Variants in ARHGAP15 observed in about 807,000 individuals in gnomAD.
ARHGAP15 encodes the protein rho GTPase-activating protein 15.
Under a neutral mutation model 63.7 loss-of-function variants are expected in ARHGAP15, and 51 were observed. The observed-to-expected ratio is 0.80, with a 90% confidence interval of 0.64 to 1.01. The LOEUF (loss-of-function observed/expected upper bound fraction) is 1.01, where lower values mean the gene tolerates loss of function less well. Ranked by LOEUF, ARHGAP15 falls within the 50% of genes least tolerant of loss-of-function variation. ARHGAP15 has a pLI of 0.00. For synonymous variants in ARHGAP15, 191 were observed against 193.8 expected, an observed-to-expected ratio of 0.99 and a Z score of 0.12; for missense variants, 560 against 564.6, an observed-to-expected ratio of 0.99 and a Z score of 0.08.
chr2:143,199,466 T>A (rs1574080781), intron 2 of ARHGAP15, among the ~76,000 whole-genome samples: 1 of 152,100 alleles, frequency 6.6e-6, no homozygotes, highest in East Asian at 1.9e-4. Context: ...AAGTGAGCTT[T>A]ACTGGCCTAT....
At chr2:143,235,987 A>G in intron 5 of ARHGAP15, 1 of 1,543,774 alleles carries the variant, frequency 6.5e-7, no homozygotes, top group Non-Finnish European at 8.7e-7. Flanking sequence ...GACCATGTTC[A>G]TGGGATTTGG....
intron 10 of ARHGAP15, among the ~76,000 whole-genome samples, chr2:143,523,430 A>G (rs940307813): frequency 6.6e-6 from 1 of 152,082 alleles, no homozygotes; most frequent in Admixed American, 6.6e-5. Context: ...GAGACATTTA[A>G]TTTTGCCTTA....
chr2:143,306,982 G>A (rs1558880586), intron 6 of ARHGAP15, among the ~76,000 whole-genome samples: 1 of 152,040 alleles, frequency 6.6e-6, no homozygotes, highest in Non-Finnish European at 1.5e-5. Context: ...TCGTCAGTGG[G>A]GCTGTGATCT....
chr2:143,164,573 A>C (rs1690426330), intron 2 of ARHGAP15, among the ~76,000 whole-genome samples: 1 of 152,012 alleles, frequency 6.6e-6, no homozygotes, highest in African/African-American at 2.4e-5. Context: ...AGATTTATGG[A>C]TGTGCTGAAG....
chr2:143,162,110 T>C (rs1268306979), intron 2 of ARHGAP15: 1 of 151,928 alleles, frequency 6.6e-6, no homozygotes, highest in Non-Finnish European at 1.5e-5. Context: ...ATAGTTTTAT[T>C]AAAAAGATCT....
At chr2:143,472,365 G>T (rs1691618668) in intron 8 of ARHGAP15, among the ~76,000 whole-genome samples, 1 of 151,988 alleles carries the variant, frequency 6.6e-6, no homozygotes, top group Admixed American at 6.6e-5. Context: ...TACATTTATT[G>T]CTATCAAGTT....
intron 6 of ARHGAP15, among the ~76,000 whole-genome samples, chr2:143,297,274 T>A (rs1227085074): frequency 6.6e-6 from 1 of 151,926 alleles, no homozygotes; most frequent in East Asian, 1.9e-4. Context: ...TGGGAAGCAA[T>A]TGATTGTACT....
At chr2:143,409,369 T>C (rs900352112) in intron 6 of ARHGAP15, among the ~76,000 whole-genome samples, 3 of 152,040 alleles carry the variant, frequency 2.0e-5, no homozygotes, top group Non-Finnish European at 2.9e-5. Flanking sequence ...TATTAATTTA[T>C]GTCAGAAACA....
chr2:143,534,284 A>T (rs1694649958), intron 10 of ARHGAP15, among the ~76,000 whole-genome samples: 2 of 152,170 alleles, frequency 1.3e-5, no homozygotes, highest in African/African-American at 2.4e-5. Context: ...CCCTTACTGT[A>T]AGTCTTCCGA....
At position 143,521,551 on chromosome 2, in the gene ARHGAP15, G is replaced by A. The variant is rs776225927; in HGVS notation, c.925+2187G>A. ...GTATTAGGAAGTAGCATATAAAGGC[G>A]CCAAGTCTCTCAGCATGGCTGGGAC... On this transcript the variant is annotated intron_variant, in intron 10 of 13. Transcript: ENST00000295095. Among the ~76,000 whole-genome samples the A allele has an allele frequency of 5.3e-5, 8 of 152,214 alleles. No individual in the cohort carries two copies. In the East Asian group the frequency reaches 5.8e-4, roughly 11 times the overall value.
chr2:143,328,227 G>C (rs1684345764), intron 6 of ARHGAP15, among the ~76,000 whole-genome samples: 1 of 152,098 alleles, frequency 6.6e-6, no homozygotes, highest in African/African-American at 2.4e-5. Flanking sequence ...ATTTGACCTA[G>C]CAATCCCATT....
chr2:143,766,511 C>T (rs1574941050), intron 13 of ARHGAP15: 1 of 152,036 alleles, frequency 6.6e-6, no homozygotes, highest in Non-Finnish European at 1.5e-5. Flanking sequence ...GAAGCCATAA[C>T]GTGCTTCCAT....
At chr2:143,595,024 G>C (rs796951671) in intron 11 of ARHGAP15, among the ~76,000 whole-genome samples, 31 of 152,294 alleles carry the variant, frequency 2.0e-4, no homozygotes, top group African/African-American at 6.5e-4. Flanking sequence ...TCCCTGGATT[G>C]TGTCAAGGCA....
chr2:143,449,763 G>T (rs1202397968), intron 8 of ARHGAP15, among the ~76,000 whole-genome samples: 1 of 151,942 alleles, frequency 6.6e-6, no homozygotes, highest in East Asian at 1.9e-4. Context: ...TTCACTTACT[G>T]GGAAGAACTG....
chr2:143,430,177 C>CTTT (rs35690060), intron 6 of ARHGAP15, among the ~76,000 whole-genome samples: 34 of 144,066 alleles, frequency 2.4e-4, no homozygotes, highest in African/African-American at 7.7e-4. Context: ...GCCAAAGTAA[C>CTTT]TTTTTTTTTT....
intron 12 of ARHGAP15, among the ~76,000 whole-genome samples, chr2:143,693,359 T>C (rs1574849361): frequency 6.6e-6 from 1 of 152,336 alleles, no homozygotes; most frequent in African/African-American, 2.4e-5. Flanking sequence ...CAATCTTGAT[T>C]TGCTTAAATT....
chr2:143,364,633 A>C (rs1686215297), intron 6 of ARHGAP15, among the ~76,000 whole-genome samples: 1 of 152,202 alleles, frequency 6.6e-6, no homozygotes, highest in Admixed American at 6.5e-5. Context: ...AAATCAAGAA[A>C]GCTTGGTTTT....
intron 4 of ARHGAP15, among the ~76,000 whole-genome samples, chr2:143,226,110 T>C (rs1015849405): frequency 1.3e-5 from 2 of 152,218 alleles, no homozygotes; most frequent in African/African-American, 4.8e-5. Context: ...CCTGCAGTTC[T>C]TACCCTCTTC....
At chr2:143,322,436 T>C (rs1212767595) in intron 6 of ARHGAP15, among the ~76,000 whole-genome samples, 1 of 152,230 alleles carries the variant, frequency 6.6e-6, no homozygotes, top group African/African-American at 2.4e-5. Flanking sequence ...AAGTAGCTTG[T>C]GAAATGAATG....
Sources: gnomAD v4.1 joint callset for allele counts (sites outside exome capture counted in the v4.1 genomes callset) on GRCh38, gnomAD v4.1.1 for gene constraint, MANE v1.5 for transcripts, NCBI Gene and HGNC (gene_info 2026-07-23, HGNC 2026-07-21) for gene names.